The following BAZ2B variants were observed in gnomAD, a reference collection of about 807,000 sequenced individuals.
BAZ2B encodes bromodomain adjacent to zinc finger domain 2B, also known as bromodomain adjacent to zinc finger domain protein 2B.
Under a neutral mutation model 246.0 loss-of-function variants are expected in BAZ2B, and 91 were observed. The ratio of observed to expected loss-of-function variants is 0.37; its 90% CI spans 0.31 to 0.44. The LOEUF (loss-of-function observed/expected upper bound fraction) is 0.44. Among genes scored for constraint, BAZ2B ranks in the 20% least tolerant of loss-of-function variants. The probability of loss-of-function intolerance (pLI) is 1.00; values close to 1 mark genes in which losing one functional copy is unlikely to be tolerated. For synonymous variants in BAZ2B, 855 were observed against 860.0 expected (o/e 0.99, Z 0.10); for missense variants, 2,332 against 2,533.7 (o/e 0.92, Z 1.71).
chr2:159,439,669 G>C (rs1030607810), intron 6 of BAZ2B, among the ~76,000 whole-genome samples: 1 of 152,132 alleles, frequency 6.6e-6, no homozygotes, highest in Admixed American at 6.5e-5. Flanking sequence ...CTGAGTCCTT[G>C]CCTTCAAGAA....
At chr2:159,653,717 C>A in the BAZ2B span, among the ~76,000 whole-genome samples, 3 of 152,118 alleles carry the variant, frequency 2.0e-5, no homozygotes, top group African/African-American at 7.2e-5. Flanking sequence ...TCACTAAAAT[C>A]TAGATATGCT....
the BAZ2B span, among the ~76,000 whole-genome samples, chr2:159,677,656 T>A: frequency 6.6e-6 from 1 of 151,746 alleles, no homozygotes; most frequent in South Asian, 2.1e-4. Context: ...CAATGGAGAG[T>A]CATTCAAAGA....
At chr2:159,345,598 A>G (rs1369704661) in intron 31 of BAZ2B, among the ~76,000 whole-genome samples, 1 of 152,232 alleles carries the variant, frequency 6.6e-6, no homozygotes, top group Non-Finnish European at 1.5e-5. Flanking sequence ...AAAATGTTTC[A>G]GGCCCACACT....
At chr2:159,431,218 G>A in intron 9 of BAZ2B, 62 bp from the exon 10 acceptor site, 21 of 1,521,672 alleles carry the variant, frequency 1.4e-5, no homozygotes, top group Non-Finnish European at 1.8e-5. Flanking sequence ...TTTGCAGTTT[G>A]TATCTAAATG....
chr2:159,482,439 T>C (rs2079346259), intron 2 of BAZ2B, among the ~76,000 whole-genome samples: 1 of 152,188 alleles, frequency 6.6e-6, no homozygotes, highest in South Asian at 2.1e-4. Context: ...GTACCTAGCA[T>C]TTAATACTTG....
rs186948888 is a variant in BAZ2B, at chr2:159,406,955, C to T, written c.2678-1841G>A. On this transcript the variant is annotated intron_variant, in intron 14 of 36. Transcript: ENST00000392783. ...ACTTTTAGTAGAGACGGGGTTTCAC[C>T]GTGTTAGACAGGATGGTCTCGATCT... Among the ~76,000 whole-genome samples the T allele has an allele frequency of 3.3e-5, 5 of 151,864 alleles. No homozygotes were observed. In the South Asian group the frequency reaches 8.4e-4, roughly 25 times the overall value.
At chr2:159,468,675 G>A (rs995295776) in intron 3 of BAZ2B, among the ~76,000 whole-genome samples, 3 of 152,144 alleles carry the variant, frequency 2.0e-5, no homozygotes, top group African/African-American at 4.8e-5. Context: ...GTAATTACAA[G>A]GGAAATTCAT....
intron 1 of BAZ2B, among the ~76,000 whole-genome samples, chr2:159,575,994 T>A (rs1304985922): frequency 1.3e-5 from 2 of 152,122 alleles, no homozygotes; most frequent in African/African-American, 4.8e-5. Context: ...ATTAGTAAAA[T>A]ATCTTTCCTT....
the BAZ2B span, among the ~76,000 whole-genome samples, chr2:159,626,908 G>A: frequency 6.6e-6 from 1 of 152,034 alleles, no homozygotes; most frequent in Admixed American, 6.6e-5. Flanking sequence ...CAACAAAAGA[G>A]ATAGACCACC....
At chr2:159,320,830 T>C (rs1259177678) in intron 36 of BAZ2B, among the ~76,000 whole-genome samples, 3 of 152,190 alleles carry the variant, frequency 2.0e-5, no homozygotes, top group African/African-American at 7.2e-5. Flanking sequence ...GTAGAAATTA[T>C]GTCAATGCTC....
At chr2:159,361,038 T>C (rs764143782) in intron 27 of BAZ2B, among the ~76,000 whole-genome samples, 7 of 152,024 alleles carry the variant, frequency 4.6e-5, no homozygotes, top group Non-Finnish European at 8.8e-5. Flanking sequence ...GACATAGGCA[T>C]GGGCAAGGAC....
At chr2:159,342,976 G>C (rs2067017226) in intron 31 of BAZ2B, among the ~76,000 whole-genome samples, 1 of 152,098 alleles carries the variant, frequency 6.6e-6, no homozygotes, top group South Asian at 2.1e-4. Context: ...TGAGTAACAA[G>C]AACAAAGCTG....
At chr2:159,571,454 T>A (rs1171834371) in intron 1 of BAZ2B, among the ~76,000 whole-genome samples, 1 of 152,100 alleles carries the variant, frequency 6.6e-6, no homozygotes, top group African/African-American at 2.4e-5. Context: ...GAATTTACTG[T>A]CTCTTATGCT....
At chr2:159,389,321 T>C (rs748133504) in intron 21 of BAZ2B, 24 bp downstream of exon 21, 68 of 1,535,356 alleles carry the variant, frequency 4.4e-5, no homozygotes, top group Non-Finnish European at 5.6e-5. Context: ...ATGAATGAAA[T>C]GGTGTACATG....
intron 1 of BAZ2B, among the ~76,000 whole-genome samples, chr2:159,598,691 C>T (rs1393493435): frequency 6.6e-6 from 1 of 151,894 alleles, no homozygotes; most frequent in Non-Finnish European, 1.5e-5. Context: ...CATGGTGAAG[C>T]CCTGTCTCTA....
At chr2:159,710,777 C>A in the BAZ2B span, 1 of 152,212 alleles carries the variant, frequency 6.6e-6, no homozygotes, top group Admixed American at 6.5e-5. Flanking sequence ...TCTGCACCAT[C>A]CTTGCCAGGT....
chr2:159,646,216 T>C, the BAZ2B span, among the ~76,000 whole-genome samples: 4 of 152,200 alleles, frequency 2.6e-5, no homozygotes, highest in Non-Finnish European at 5.9e-5. Context: ...TGTTCCTTGC[T>C]GAGAAAAAGA....
At chr2:159,336,147 ACT>A (rs1414109901) in intron 33 of BAZ2B, among the ~76,000 whole-genome samples, 2 of 152,188 alleles carry the variant, frequency 1.3e-5, no homozygotes, top group Non-Finnish European at 2.9e-5. Flanking sequence ...GGTGAGCGAG[ACT>A]CTGTCTCAAA....
chr2:159,668,672 T>G, the BAZ2B span, among the ~76,000 whole-genome samples: 1 of 152,216 alleles, frequency 6.6e-6, no homozygotes, highest in Non-Finnish European at 1.5e-5. Flanking sequence ...GTTCTTATCT[T>G]TATTCCTTCT....
Sources: allele counts gnomAD v4.1 joint callset (sites outside exome capture counted in the v4.1 genomes callset), GRCh38; gene constraint gnomAD v4.1.1; transcripts MANE v1.5; gene names NCBI Gene and HGNC (gene_info 2026-07-23, HGNC 2026-07-21).